ERCC6L2: variants seen among roughly 807,000 people sequenced by gnomAD.
ERCC6L2 encodes ERCC excision repair 6 like 2.
Under a neutral mutation model 132.0 loss-of-function variants are expected in ERCC6L2, and 77 were observed. The observed-to-expected ratio is 0.58, with a 90% CI of 0.49 to 0.71. ERCC6L2 has a LOEUF of 0.71. Ranked by LOEUF, ERCC6L2 falls within the 30% of genes least tolerant of loss-of-function variation. The probability of loss-of-function intolerance (pLI) is 0.00; values close to 1 mark genes in which losing one functional copy is unlikely to be tolerated. For synonymous variants in ERCC6L2, 583 were observed against 632.4 expected, an observed-to-expected ratio of 0.92 and a Z score of 1.17; for missense variants, 1,542 against 1,837.6, an observed-to-expected ratio of 0.84 and a Z score of 2.94.
chr9:95,952,062 G>A (rs1401142046), intron 12 of ERCC6L2, among the ~76,000 whole-genome samples: 1 of 150,470 alleles, frequency 6.6e-6, no homozygotes, highest in African/African-American at 2.5e-5. Flanking sequence ...CAGCTACTCG[G>A]GAGGCTGAGG....
intron 19 of ERCC6L2, among the ~76,000 whole-genome samples, chr9:96,033,295 G>T (rs1411658625): frequency 1.3e-5 from 2 of 151,764 alleles, no homozygotes; most frequent in African/African-American, 4.8e-5. Context: ...GCCCAGGCTG[G>T]AGTGCAATGG....
chr9:95,948,185 A>G (rs1831153470), intron 12 of ERCC6L2, among the ~76,000 whole-genome samples: 1 of 152,248 alleles, frequency 6.6e-6, no homozygotes, highest in South Asian at 2.1e-4. Flanking sequence ...GTGATTCATG[A>G]GAAGAGGTCA....
At position 95,897,911 on chromosome 9, in the gene ERCC6L2, C is replaced by T; in HGVS notation, c.534C>T (p.Asn178=). 1.2e-6 allele frequency: 2 copies of T among 1,612,312 alleles called. No homozygotes were observed. Among genetic ancestry groups the T allele is most frequent in the Non-Finnish European group, 1.7e-6 (2 of 1,179,118 alleles). Residue 178 remains asparagine, a synonymous_variant, in exon 3 of 19, where the codon AAC becomes AAT. Transcript: ENST00000653738. ...GAACTCGTGAGGATATTGAAAATAA[C>T]ATGCCAGAGTTTTTACTAAGAAGTA... ...KKGTREDIEN[N]MPEFLLRSMK...
intron 4 of ERCC6L2, among the ~76,000 whole-genome samples, chr9:95,910,037 C>T (rs1829269828): frequency 6.6e-6 from 1 of 152,116 alleles, no homozygotes; most frequent in Admixed American, 6.5e-5. Flanking sequence ...ACTTGGAAAA[C>T]AATGTTCTAT....
Position 95,909,761 on chromosome 9 carries a change from A to G in ERCC6L2, c.788+2490A>G, listed in dbSNP as rs1021341861. On this transcript the variant is annotated intron_variant, in intron 4 of 18. Transcript: ENST00000653738. ...TATTATAGATAAAACTTCAAGGCAT[A>G]TTTGTATGTAAGCCTTTTTTGGACA... 3.9e-5 allele frequency among the ~76,000 whole-genome samples: 6 copies of G among 152,230 alleles called. No individual in the cohort carries two copies. The East Asian group carries it at 7.7e-4, about 20-fold the overall frequency.
intron 11 of ERCC6L2, among the ~76,000 whole-genome samples, chr9:95,937,711 AATTTGTGT>A (rs1830617887): frequency 1.3e-5 from 2 of 151,640 alleles, no homozygotes; most frequent in South Asian, 4.2e-4. Flanking sequence ...TAATATTGGT[AATTTGTGT>A]ATTCTCTTTT....
At chr9:95,984,138 TATA>T (rs1802226646) in intron 17 of ERCC6L2, among the ~76,000 whole-genome samples, 2 of 150,256 alleles carry the variant, frequency 1.3e-5, no homozygotes, top group Admixed American at 6.7e-5. Flanking sequence ...TACATATATG[TATA>T]ATACATCATA....
chr9:95,892,656 C>G (rs746286286), intron 2 of ERCC6L2, among the ~76,000 whole-genome samples: 3 of 152,068 alleles, frequency 2.0e-5, no homozygotes, highest in Non-Finnish European at 2.9e-5. Flanking sequence ...CTCCTGACCT[C>G]AAGTGATCCA....
intron 3 of ERCC6L2, among the ~76,000 whole-genome samples, chr9:95,900,349 A>G (rs754089707): frequency 2.0e-5 from 3 of 151,674 alleles, no homozygotes; most frequent in South Asian, 2.1e-4. Context: ...GATCATGCCA[A>G]TGCACTCCAG....
chr9:95,990,657 C>T (rs1468781696), intron 17 of ERCC6L2, among the ~76,000 whole-genome samples: 2 of 152,142 alleles, frequency 1.3e-5, no homozygotes, highest in Non-Finnish European at 2.9e-5. Flanking sequence ...GGAACAGGAG[C>T]GAACAAACGC....
intron 17 of ERCC6L2, among the ~76,000 whole-genome samples, chr9:95,991,362 A>T (rs1280555867): frequency 1.3e-5 from 2 of 152,154 alleles, no homozygotes; most frequent in African/African-American, 4.8e-5. Flanking sequence ...ATTTTAGCAA[A>T]TCTCAACCCT....
At position 95,989,528 on chromosome 9, in the gene ERCC6L2, A is replaced by G. The variant is rs573426373; in HGVS notation, c.3492+11313A>G. 5.2e-5 allele frequency among the ~76,000 whole-genome samples: 8 copies of G among 152,386 alleles called. No individual in the cohort carries two copies. In the East Asian group the frequency reaches 7.7e-4, roughly 15 times the overall value. On this transcript the variant is annotated intron_variant, in intron 17 of 18. Transcript: ENST00000653738. Reference sequence around the variant, plus strand: ...TACAGCAAGCATTTATTGAGAGCCTATCGGGCATGAGTCAGGACTTAGTGC... The same window carrying G: ...TACAGCAAGCATTTATTGAGAGCCTGTCGGGCATGAGTCAGGACTTAGTGC...
chr9:95,937,179 GTTT>G (rs1432402972), intron 11 of ERCC6L2, among the ~76,000 whole-genome samples: 3 of 152,106 alleles, frequency 2.0e-5, no homozygotes, highest in African/African-American at 7.2e-5. Context: ...TGCGTATTTC[GTTT>G]TATAAGAAAT....
chr9:96,008,369 A>G (rs951057492), intron 18 of ERCC6L2, among the ~76,000 whole-genome samples: 6 of 152,236 alleles, frequency 3.9e-5, no homozygotes, highest in African/African-American at 1.4e-4. Flanking sequence ...CATGATCAGT[A>G]AGTTTGGAGG....
intron 11 of ERCC6L2, among the ~76,000 whole-genome samples, chr9:95,932,817 G>A (rs770207931): frequency 1.3e-5 from 2 of 152,128 alleles, no homozygotes; most frequent in Non-Finnish European, 2.9e-5. Flanking sequence ...GGAATAAACA[G>A]CCTGCATACT....
At chr9:95,922,572 T>G (rs1003786940) in intron 8 of ERCC6L2, among the ~76,000 whole-genome samples, 154 bp downstream of exon 8, 1 of 152,356 alleles carries the variant, frequency 6.6e-6, no homozygotes, top group East Asian at 1.9e-4. Flanking sequence ...GTATGTGCAC[T>G]TAAGTTTTTA....
At chr9:96,035,993 C>T (rs947642100) in intron 19 of ERCC6L2, among the ~76,000 whole-genome samples, 4 of 152,188 alleles carry the variant, frequency 2.6e-5, no homozygotes, top group Non-Finnish European at 4.4e-5. Flanking sequence ...ACCAGACAAA[C>T]ACAATTTTAA....
chr9:96,033,890 C>T (rs922926664), intron 19 of ERCC6L2, among the ~76,000 whole-genome samples: 15 of 152,124 alleles, frequency 9.9e-5, no homozygotes, highest in Non-Finnish European at 1.5e-4. Context: ...GGAAGCATAC[C>T]GGGGCTCAGA....
At chr9:95,958,091 A>T (rs1418600048) in intron 13 of ERCC6L2, among the ~76,000 whole-genome samples, 13 of 135,850 alleles carry the variant, frequency 9.6e-5, no homozygotes, top group Non-Finnish European at 2.0e-4. Context: ...TGTGTTCTCA[A>T]TGTTCAATTC....
Sources: gnomAD v4.1 joint callset for allele counts (sites outside exome capture counted in the v4.1 genomes callset) on GRCh38, gnomAD v4.1.1 for gene constraint, MANE v1.5 for transcripts, NCBI Gene and HGNC (gene_info 2026-07-23, HGNC 2026-07-21) for gene names.